PCDHGA7: variants seen among roughly 807,000 people sequenced by gnomAD.
PCDHGA7 encodes protocadherin gamma-A7.
A neutral mutation model predicts 58.3 loss-of-function variants in PCDHGA7; 44 were observed. That is an observed-to-expected ratio of 0.75 (90% CI 0.59 to 0.97). The LOEUF is 0.97. Ranked by LOEUF, PCDHGA7 falls within the 50% of genes least tolerant of loss-of-function variation. The pLI is 0.00. For synonymous variants in PCDHGA7, 516 were observed against 504.2 expected (o/e 1.02, Z -0.31); for missense variants, 1,266 against 1,188.7 (o/e 1.06, Z -0.96).
At chr5:141,441,849 G>A (rs1192040398) in intron 1 of PCDHGA7, 2 of 345,448 alleles carry the variant, frequency 5.8e-6, no homozygotes, top group Non-Finnish European at 1.1e-5. Context: ...TCTTGGATAT[G>A]GTGCTGCACG....
chr5:141,450,264 C>T (rs1395960399), intron 1 of PCDHGA7, among the ~76,000 whole-genome samples: 1 of 152,112 alleles, frequency 6.6e-6, no homozygotes, highest in Non-Finnish European at 1.5e-5. Flanking sequence ...GTGATCTGCC[C>T]ACCTCAGCTA....
At chr5:141,420,175 T>C (rs901184536) in intron 1 of PCDHGA7, 6 of 1,614,004 alleles carry the variant, frequency 3.7e-6, no homozygotes, top group Non-Finnish European at 5.1e-6. Context: ...CATCTGTTGA[T>C]CATTGTCCAG....
chr5:141,462,818 C>T (rs1280335120), intron 1 of PCDHGA7, among the ~76,000 whole-genome samples: 1 of 152,120 alleles, frequency 6.6e-6, no homozygotes, highest in East Asian at 1.9e-4. Flanking sequence ...TTTTATTGGA[C>T]AGCAGACATT....
rs1304554303 is a variant in PCDHGA7, at chr5:141,403,611, C to G, written c.2424+18288C>G. 3 of 1,613,860 alleles carry G rather than the reference C, an allele frequency of 1.9e-6. No homozygotes were observed. The highest frequency in any genetic ancestry group is 2.5e-6 in the Non-Finnish European group (3 of 1,179,892). Reference sequence around the variant, plus strand: ...CTCACGGCCTCGGATGGCGGCGAGCCGCGTCGCTCCAGCACAGTGCGCATC... The same window carrying G: ...CTCACGGCCTCGGATGGCGGCGAGCGGCGTCGCTCCAGCACAGTGCGCATC... On this transcript the variant is annotated intron_variant, in intron 1 of 3. Transcript: ENST00000518325.
chr5:141,399,831 TG>T (rs1368149251), intron 1 of PCDHGA7: 1 of 1,613,172 alleles, frequency 6.2e-7, no homozygotes, highest in South Asian at 1.1e-5. Flanking sequence ...CCGACGGCTC[TG>T]CGCTCTTCGA....
At chr5:141,385,961 C>T (rs1446108095) in intron 1 of PCDHGA7, 2 of 152,166 alleles carry the variant, frequency 1.3e-5, no homozygotes, top group African/African-American at 2.4e-5. Context: ...CACTAAAGGC[C>T]ATCGGACAAA....
intron 1 of PCDHGA7, chr5:141,404,905 GC>G (rs762314174): frequency 6.2e-6 from 10 of 1,613,910 alleles, no homozygotes; most frequent in Middle Eastern, 1.7e-4. Context: ...ACCATGGCCA[GC>G]CCCCTCTCTC....
intron 1 of PCDHGA7, chr5:141,441,621 G>T: frequency 4.5e-6 from 1 of 223,408 alleles, no homozygotes; most frequent in South Asian, 5.2e-5. Context: ...CGTGGCCAGT[G>T]ACCTGGAGCC....
At chr5:141,472,219 A>C (rs2099274667) in intron 1 of PCDHGA7, among the ~76,000 whole-genome samples, 1 of 152,210 alleles carries the variant, frequency 6.6e-6, no homozygotes, top group Non-Finnish European at 1.5e-5. Context: ...CTTACTCTCG[A>C]TCATATAATA....
In PCDHGA7 at chr5:141,433,358, C is replaced by CCTATCTATCTATCTAT. The variant is rs3074541; in HGVS notation, c.2424+48068_2424+48083dup. ...ACAGGTGCAAGCCACCTACTGTCTG[C>CCTATCTATCTATCTAT]CTATCTATCTATCTATCTATCTATC... On this transcript the variant is annotated intron_variant, in intron 1 of 3. Coordinates refer to ENST00000518325, the MANE Select transcript of PCDHGA7 (RefSeq NM_018920.4). 1.1e-3 allele frequency: 566 copies of CCTATCTATCTATCTAT among 504,038 alleles called. 2 individuals carry two copies. The highest frequency in any genetic ancestry group is 1.7e-3 in the East Asian group (49 of 28,778). The allele number at this position is 504,038 out of a possible 1,614,324, so 31.2% of individuals were successfully genotyped here.
rs1332743231 is a variant in PCDHGA7 at position 141,432,967 on chromosome 5, G to A, written c.2424+47644G>A. 4 of 1,614,192 alleles carry A rather than the reference G, an allele frequency of 2.5e-6. No homozygotes were observed. In the East Asian group the frequency reaches 6.7e-5, roughly 27 times the overall value. On this transcript the variant is annotated intron_variant, in intron 1 of 3. Coordinates refer to ENST00000518325, the MANE Select transcript of PCDHGA7 (RefSeq NM_018920.4). The surrounding 1 kb of genome is among the most constrained non-coding windows in gnomAD (Gnocchi z 6.0). The stretch of plus-strand genomic sequence containing the variant: ...CAGGAGGCGGCTTGACAGGAGCGCC[G>A]GCGTCGCACTTTGTGGGCGTGGACG...
At chr5:141,443,317 C>CAA (rs35054295) in intron 1 of PCDHGA7, among the ~76,000 whole-genome samples, 2,546 of 141,926 alleles carry the variant, frequency 0.018, 55 homozygotes, top group African/African-American at 0.052. Flanking sequence ...CCCATCTCTA[C>CAA]AAAAAAAAAA....
chr5:141,410,185 T>A lies in PCDHGA7; in HGVS notation c.2424+24862T>A, dbSNP rs373680185. 10 of 1,613,812 alleles carry A rather than the reference T, an allele frequency of 6.2e-6. No individual in the cohort carries two copies. The African/African-American group carries it at 1.3e-4, about 22-fold the overall frequency. On this transcript the variant is annotated intron_variant, in intron 1 of 3. Transcript: ENST00000518325. ...CACTCTCTGCCACCGCCACGCTTCA[T>A]CTGGTCTTCGCAGACAACTTGCAAG...
intron 1 of PCDHGA7, among the ~76,000 whole-genome samples, chr5:141,439,076 C>G (rs1358035789): frequency 6.6e-6 from 1 of 151,590 alleles, no homozygotes; most frequent in East Asian, 2.0e-4. Context: ...GCCTGTAATC[C>G]CAGCTACTCA....
chr5:141,459,444 T>C (rs1485634547), intron 1 of PCDHGA7, among the ~76,000 whole-genome samples: 1 of 152,244 alleles, frequency 6.6e-6, no homozygotes, highest in Non-Finnish European at 1.5e-5. Context: ...TTCATTCAAC[T>C]GTTGGTGGAC....
chr5:141,463,910 A>G (rs2099071862), intron 1 of PCDHGA7, among the ~76,000 whole-genome samples: 1 of 152,178 alleles, frequency 6.6e-6, no homozygotes, highest in Admixed American at 6.5e-5. Flanking sequence ...CTAATAATAT[A>G]TCCTGGAAAT....
At chr5:141,413,454 G>A (rs765318722) in intron 1 of PCDHGA7, 46 of 1,614,026 alleles carry the variant, frequency 2.9e-5, no homozygotes, top group Non-Finnish European at 3.7e-5. Flanking sequence ...CCGCGGGCAG[G>A]ATAGACCGGG....
At chr5:141,412,100 C>G (rs1041242156) in intron 1 of PCDHGA7, 2 of 152,180 alleles carry the variant, frequency 1.3e-5, no homozygotes, top group Non-Finnish European at 2.9e-5. Context: ...TGGGCACACA[C>G]AGTTGAAGAT....
intron 1 of PCDHGA7, chr5:141,420,333 A>G (rs778366534): frequency 2.1e-6 from 3 of 1,402,720 alleles, no homozygotes; most frequent in Non-Finnish European, 2.9e-6. Flanking sequence ...ATATATTCCA[A>G]TATAGTGGTA....
Sources: allele counts gnomAD v4.1 joint callset (sites outside exome capture counted in the v4.1 genomes callset), GRCh38; gene constraint gnomAD v4.1.1; non-coding constraint Gnocchi (gnomAD v3.1); transcripts MANE v1.5; gene names NCBI Gene and HGNC (gene_info 2026-07-23, HGNC 2026-07-21).